CSMD1: variants seen among roughly 807,000 people sequenced by gnomAD.
CSMD1 encodes the protein CUB and Sushi multiple domains 1.
CSMD1 carries 213 observed loss-of-function variants against 417.5 expected under a neutral mutation model. The observed-to-expected ratio is 0.51, with a 90% CI of 0.46 to 0.57. The LOEUF (loss-of-function observed/expected upper bound fraction) is 0.57, where lower values mean the gene tolerates loss of function less well. Among genes scored for constraint, CSMD1 ranks in the 20% least tolerant of loss-of-function variants. The pLI is 0.00. For missense variants in CSMD1, 6,923 were observed against 4,529.7 expected (o/e 1.53, Z -15.17); for synonymous variants, 2,862 against 1,736.8 (o/e 1.65, Z -16.11).
chr8:4,005,827 T>C (rs1816067193), intron 4 of CSMD1, among the ~76,000 whole-genome samples: 1 of 152,192 alleles, frequency 6.6e-6, no homozygotes, highest in Non-Finnish European at 1.5e-5. Context: ...AGACCCCGGA[T>C]TGCTAGCATA....
At chr8:3,950,396 G>T in intron 5 of CSMD1, among the ~76,000 whole-genome samples, 1 of 152,168 alleles carries the variant, frequency 6.6e-6, no homozygotes, top group East Asian at 1.9e-4. Flanking sequence ...AGTTCCAATC[G>T]GCCTACGGGT....
In CSMD1 at chr8:3,567,862, T is replaced by C. The variant is rs149012508; in HGVS notation, c.1344+7083A>G. ...ATGATTCTGCTTTCTCATTATATAG[T>C]TGGACTCCTTATCCTCATCACTCTC... is the stretch of plus-strand genomic sequence containing the variant. On this transcript the variant is annotated intron_variant, in intron 10 of 69. Transcript: ENST00000635120. Among the ~76,000 whole-genome samples, 810 of 152,216 alleles carry C rather than the reference T, an allele frequency of 5.3e-3. 14 individuals are homozygous for C. The highest frequency in any genetic ancestry group is 0.019 in the African/African-American group (779 of 41,518).
intron 3 of CSMD1, among the ~76,000 whole-genome samples, chr8:4,323,048 T>C (rs1264132192): frequency 1.3e-5 from 2 of 152,174 alleles, no homozygotes; most frequent in East Asian, 3.9e-4. Flanking sequence ...TAGAAAGATT[T>C]TGACCAGCCT....
chr8:3,853,718 T>C (rs1161132205), intron 5 of CSMD1, among the ~76,000 whole-genome samples: 1 of 151,592 alleles, frequency 6.6e-6, no homozygotes, highest in East Asian at 1.9e-4. Context: ...AGAAACCACC[T>C]CGGGGTGGGG....
chr8:3,733,168 TACACACACACACACACAC>T (rs75223191), intron 6 of CSMD1, among the ~76,000 whole-genome samples: 4 of 140,450 alleles, frequency 2.8e-5, no homozygotes, highest in Non-Finnish European at 4.6e-5. Flanking sequence ...AGGCCATAAA[TACACACACACACACACAC>T]ACACACACAC....
intron 7 of CSMD1, among the ~76,000 whole-genome samples, chr8:3,623,485 T>A (rs1334735649): frequency 6.6e-6 from 1 of 152,218 alleles, no homozygotes; most frequent in African/African-American, 2.4e-5. Flanking sequence ...AAGATCTATA[T>A]GAGTGAATAA....
intron 5 of CSMD1, among the ~76,000 whole-genome samples, chr8:3,900,482 G>A (rs372261248): frequency 1.3e-5 from 2 of 151,470 alleles, no homozygotes; most frequent in African/African-American, 4.9e-5. Context: ...ACTGTACCTG[G>A]TTGACAGTGT....
At chr8:3,947,324 G>C (rs566065823) in intron 5 of CSMD1, among the ~76,000 whole-genome samples, 7 of 152,238 alleles carry the variant, frequency 4.6e-5, no homozygotes, top group African/African-American at 1.7e-4. Context: ...TTAAGATTAT[G>C]AATTACAATG....
intron 46 of CSMD1, among the ~76,000 whole-genome samples, chr8:3,105,433 T>C (rs976206010): frequency 1.2e-4 from 19 of 152,352 alleles, no homozygotes; most frequent in African/African-American, 4.3e-4. Flanking sequence ...AGCTTTTGGA[T>C]AGGTGAACTA....
chr8:4,305,489 C>A (rs905775314), intron 3 of CSMD1, among the ~76,000 whole-genome samples: 1 of 152,226 alleles, frequency 6.6e-6, no homozygotes, highest in Non-Finnish European at 1.5e-5. Context: ...TGTGCTTTTA[C>A]AGGCACTGCT....
At chr8:3,254,679 T>A (rs886354324) in intron 26 of CSMD1, among the ~76,000 whole-genome samples, 4 of 152,252 alleles carry the variant, frequency 2.6e-5, no homozygotes, top group Non-Finnish European at 5.9e-5. Context: ...TTGAGACTTG[T>A]GCATTTGTCA....
chr8:4,215,673 T>C lies in CSMD1; in HGVS notation c.416-183574A>G, dbSNP rs559358682. Among the ~76,000 whole-genome samples, 347 of 152,348 alleles carry C rather than the reference T, an allele frequency of 2.3e-3. 3 individuals carry two copies. Among genetic ancestry groups the C allele is most frequent in the African/African-American group, 8.1e-3 (335 of 41,578 alleles). On this transcript the variant is annotated intron_variant, in intron 3 of 69. Coordinates refer to ENST00000635120, the MANE Select transcript of CSMD1 (RefSeq NM_033225.6). ...GAAAATAATTTTAAATGAGGTTTTC[T>C]AAAAACACAGACTTTAATATGCAGA...
chr8:3,092,718 G>A (rs1318926433), intron 47 of CSMD1, among the ~76,000 whole-genome samples: 1 of 152,196 alleles, frequency 6.6e-6, no homozygotes, highest in Non-Finnish European at 1.5e-5. Flanking sequence ...ACCCGGCATT[G>A]CCCTCATCAC....
intron 3 of CSMD1, among the ~76,000 whole-genome samples, chr8:4,084,454 T>A (rs886373582): frequency 1.1e-4 from 17 of 152,230 alleles, no homozygotes; most frequent in African/African-American, 3.6e-4. Flanking sequence ...ATGATTTTGT[T>A]GTAATTGCTA....
At chr8:3,507,053 C>T (rs112463910) in intron 10 of CSMD1, among the ~76,000 whole-genome samples, 1 of 152,056 alleles carries the variant, frequency 6.6e-6, no homozygotes, top group African/African-American at 2.4e-5. Flanking sequence ...AAGTGCCTAA[C>T]ATAGAGCTTG....
At chr8:4,781,463 C>T (rs565960293) in intron 1 of CSMD1, among the ~76,000 whole-genome samples, 1 of 152,288 alleles carries the variant, frequency 6.6e-6, no homozygotes, top group Admixed American at 6.5e-5. Context: ...TGATGTTTAG[C>T]ATGGAGGCAA....
chr8:4,252,539 T>C (rs1317887686), intron 3 of CSMD1, among the ~76,000 whole-genome samples: 1 of 152,188 alleles, frequency 6.6e-6, no homozygotes, highest in Non-Finnish European at 1.5e-5. Context: ...AAATGCTCCT[T>C]AGAATTTGAC....
rs546947223 is a variant in CSMD1 at position 4,339,130 on chromosome 8, C to A, written c.415+80823G>T. 2.6e-5 allele frequency among the ~76,000 whole-genome samples: 4 copies of A among 152,176 alleles called. No homozygotes were observed. The South Asian group carries it at 6.2e-4, about 24-fold the overall frequency. On this transcript the variant is annotated intron_variant, in intron 3 of 69. Transcript: ENST00000635120. ...CTCATCTCTGAGGCAGAAATATATTCCAACTACAAATGCTATCAGCTATGA... is the reference window on the plus strand; with the variant it reads ...CTCATCTCTGAGGCAGAAATATATTACAACTACAAATGCTATCAGCTATGA...
chr8:4,224,691 G>A (rs546368840), intron 3 of CSMD1, among the ~76,000 whole-genome samples: 2 of 152,316 alleles, frequency 1.3e-5, no homozygotes, highest in East Asian at 3.9e-4. Context: ...TCAGATGCAT[G>A]GAGATGAATT....
Sources: gnomAD v4.1 joint callset for allele counts (sites outside exome capture counted in the v4.1 genomes callset) on GRCh38, gnomAD v4.1.1 for gene constraint, MANE v1.5 for transcripts, NCBI Gene and HGNC (gene_info 2026-07-23, HGNC 2026-07-21) for gene names.